The following TJP1 variants were observed in gnomAD, a reference collection of about 807,000 sequenced individuals.
TJP1 encodes the protein tight junction protein ZO-1.
In TJP1, 43 loss-of-function variants were observed where a neutral mutation model predicts 194.2. That is an observed-to-expected ratio of 0.22 (90% CI 0.17 to 0.29). The LOEUF (loss-of-function observed/expected upper bound fraction) is 0.29, where lower values mean the gene tolerates loss of function less well. Ranked by LOEUF, TJP1 falls within the 10% of genes least tolerant of loss-of-function variation. The pLI, the probability that TJP1 is intolerant of heterozygous loss-of-function variation, is 1.00. For missense variants in TJP1, 1,971 were observed against 2,185.7 expected (o/e 0.90, Z 1.96); for synonymous variants, 801 against 779.0 (o/e 1.03, Z -0.47).
At chr15:29,843,750 G>A (rs1442580800) in intron 2 of TJP1, among the ~76,000 whole-genome samples, 1 of 152,222 alleles carries the variant, frequency 6.6e-6, no homozygotes, top group Non-Finnish European at 1.5e-5. Flanking sequence ...GGAGGATAGG[G>A]CATCTGTGGG....
chr15:29,755,318 T>G (rs2045574912), intron 8 of TJP1, among the ~76,000 whole-genome samples: 1 of 152,218 alleles, frequency 6.6e-6, no homozygotes, highest in Admixed American at 6.5e-5. Context: ...AAGTGACACG[T>G]GACTGCACAT....
At chr15:29,734,485 CAT>C (rs1026278151) in intron 11 of TJP1, 103 bp from the exon 12 acceptor site, 5 of 764,074 alleles carry the variant, frequency 6.5e-6, no homozygotes, top group South Asian at 1.9e-5. Flanking sequence ...GAAAATATCA[CAT>C]CTTTTTTTTT....
intron 2 of TJP1, among the ~76,000 whole-genome samples, chr15:29,781,574 C>G (rs1014668021): frequency 2.0e-5 from 3 of 152,170 alleles, no homozygotes; most frequent in Non-Finnish European, 4.4e-5. Flanking sequence ...CAACAAAATA[C>G]TAGCAAGCTG....
chr15:29,717,827 G>A (rs1428895885), intron 22 of TJP1, among the ~76,000 whole-genome samples, 194 bp downstream of exon 22: 1 of 152,164 alleles, frequency 6.6e-6, no homozygotes, highest in Admixed American at 6.5e-5. Flanking sequence ...AGATTTGTCA[G>A]ATTTGTCAGA....
At chr15:29,833,713 A>C (rs1476166469) in intron 2 of TJP1, among the ~76,000 whole-genome samples, 1 of 151,044 alleles carries the variant, frequency 6.6e-6, no homozygotes. Flanking sequence ...AGTATTTTTA[A>C]ATTAATTGAT....
chr15:29,943,843 G>A (rs935410367), intron 2 of TJP1, among the ~76,000 whole-genome samples: 1 of 151,218 alleles, frequency 6.6e-6, no homozygotes, highest in African/African-American at 2.4e-5. Context: ...AGCTACTCAG[G>A]AGGCTGAGGG....
intron 2 of TJP1, among the ~76,000 whole-genome samples, chr15:29,829,116 A>G (rs1372046247): frequency 2.0e-5 from 3 of 152,208 alleles, no homozygotes; most frequent in South Asian, 2.1e-4. Context: ...TTGTTTCAGA[A>G]TAAGTTTAGC....
intron 18 of TJP1, among the ~76,000 whole-genome samples, chr15:29,724,122 T>C (rs964007928): frequency 6.6e-6 from 1 of 152,210 alleles, no homozygotes; most frequent in Non-Finnish European, 1.5e-5. Flanking sequence ...GGAGTCAAGT[T>C]GCCTGAATGG....
At chr15:29,760,376 G>GTGTTT in intron 8 of TJP1, 3 of 635,684 alleles carry the variant, frequency 4.7e-6, no homozygotes, top group Non-Finnish European at 8.5e-6. Context: ...ATAAATACTA[G>GTGTTT]TGTTTTGTTT....
At chr15:29,745,783 A>G (rs988340896) in intron 8 of TJP1, among the ~76,000 whole-genome samples, 5 of 152,236 alleles carry the variant, frequency 3.3e-5, no homozygotes, top group African/African-American at 1.2e-4. Flanking sequence ...AAAGTTTCTT[A>G]TCAAAAGAAT....
intron 18 of TJP1, among the ~76,000 whole-genome samples, chr15:29,722,798 G>A (rs985988394): frequency 2.0e-5 from 3 of 152,214 alleles, no homozygotes; most frequent in African/African-American, 7.2e-5. Context: ...GTGGCTACAG[G>A]GGCAGAGCTG....
chr15:29,832,762 CT>C (rs1162782227), intron 2 of TJP1, among the ~76,000 whole-genome samples: 3 of 152,196 alleles, frequency 2.0e-5, no homozygotes, highest in Non-Finnish European at 4.4e-5. Context: ...CTATGTAGAA[CT>C]TTTTTTCCTT....
At chr15:29,795,813 T>G (rs901242000) in intron 2 of TJP1, among the ~76,000 whole-genome samples, 6 of 151,942 alleles carry the variant, frequency 3.9e-5, no homozygotes. Context: ...ATGTAAACAA[T>G]CAAGTAGAAT....
chr15:29,767,641 A>G (rs926334592), intron 4 of TJP1, among the ~76,000 whole-genome samples: 1 of 151,546 alleles, frequency 6.6e-6, no homozygotes, highest in East Asian at 1.9e-4. Flanking sequence ...TTTCATCTAC[A>G]TATTGTTGCC....
chr15:29,750,249 C>T (rs890310519), intron 8 of TJP1, among the ~76,000 whole-genome samples: 4 of 152,218 alleles, frequency 2.6e-5, no homozygotes, highest in African/African-American at 7.2e-5. Flanking sequence ...ATGATCAGCC[C>T]GCCTCAGCCT....
chr15:29,852,766 A>G (rs1231913141), intron 2 of TJP1, among the ~76,000 whole-genome samples: 1 of 151,958 alleles, frequency 6.6e-6, no homozygotes, highest in Admixed American at 6.6e-5. Flanking sequence ...TTAGCCAGGC[A>G]TGTGGTGCAT....
intron 2 of TJP1, among the ~76,000 whole-genome samples, chr15:29,912,621 G>T (rs2948554): frequency 6.8e-6 from 1 of 148,058 alleles, no homozygotes; most frequent in Non-Finnish European, 1.5e-5. Context: ...CAGAAGTTAC[G>T]GGAGGAAGAG....
rs138246125 is a variant in TJP1, at chr15:29,810,799, G to A, written c.28-10097C>T. ...GAAAGATGGAGGTGGCAAGGTTTCC[G>A]GGTAGAAAAAACAGCACGTGCAAGA... On this transcript the variant is annotated intron_variant, in intron 1 of 27. Coordinates refer to ENST00000614355, the MANE Select transcript of TJP1 (RefSeq NM_001330239.4). 5.6e-3 allele frequency among the ~76,000 whole-genome samples: 851 copies of A among 152,182 alleles called. 8 individuals are homozygous for A. Among genetic ancestry groups the A allele is most frequent in the African/African-American group, 0.019 (782 of 41,510 alleles).
intron 2 of TJP1, among the ~76,000 whole-genome samples, chr15:29,882,543 C>T (rs1334815200): frequency 6.6e-6 from 1 of 152,130 alleles, no homozygotes; most frequent in Non-Finnish European, 1.5e-5. Context: ...TGATATCATA[C>T]ACAATAAGAG....
Sources: gnomAD v4.1 joint callset for allele counts (sites outside exome capture counted in the v4.1 genomes callset) on GRCh38, gnomAD v4.1.1 for gene constraint, MANE v1.5 for transcripts, NCBI Gene and HGNC (gene_info 2026-07-23, HGNC 2026-07-21) for gene names.